The following ZNF503 variants were observed in gnomAD, a reference collection of about 807,000 sequenced individuals.
ZNF503 encodes the protein zinc finger protein 503, also known as NocA-like zinc finger 2.
ZNF503 carries 15 observed loss-of-function variants against 34.4 expected under a neutral mutation model. That is an observed-to-expected ratio of 0.44 (90% CI 0.29 to 0.67). The LOEUF (loss-of-function observed/expected upper bound fraction) is 0.67. Ranked by LOEUF, ZNF503 falls within the 30% of genes least tolerant of loss-of-function variation. The pLI is 0.13. For missense variants in ZNF503, 1,007 were observed against 926.8 expected, an observed-to-expected ratio of 1.09 and a Z score of -1.12; for synonymous variants, 580 against 456.8, an observed-to-expected ratio of 1.27 and a Z score of -3.44.
chr10:75,365,034 C>G, the ZNF503 span, among the ~76,000 whole-genome samples: 1 of 152,198 alleles, frequency 6.6e-6, no homozygotes, highest in Non-Finnish European at 1.5e-5. Context: ...AGGCAGAGTC[C>G]TTGTGTCCTA....
downstream of ZNF503, among the ~76,000 whole-genome samples, chr10:75,395,502 C>T (rs1437635218): frequency 1.3e-5 from 2 of 152,026 alleles, no homozygotes; most frequent in Non-Finnish European, 2.9e-5. The surrounding 1 kb of genome is among the most constrained non-coding windows in gnomAD (Gnocchi z 4.4). Flanking sequence ...CTGGTGGACA[C>T]GCGGCGCTCC....
At chr10:75,339,092 A>T in the ZNF503 span, among the ~76,000 whole-genome samples, 40 of 152,292 alleles carry the variant, frequency 2.6e-4, no homozygotes, top group Non-Finnish European at 5.6e-4. Context: ...TTAGCCGGAC[A>T]TTATGGTACA....
chr10:75,310,720 C>T, the ZNF503 span, among the ~76,000 whole-genome samples: 2 of 152,134 alleles, frequency 1.3e-5, no homozygotes, highest in East Asian at 3.9e-4. Flanking sequence ...GGAAGTCCCA[C>T]CCCTGCCTGT....
At chr10:75,347,287 A>G in the ZNF503 span, among the ~76,000 whole-genome samples, 3 of 152,214 alleles carry the variant, frequency 2.0e-5, no homozygotes, top group African/African-American at 7.2e-5. Flanking sequence ...GATCAAGTAC[A>G]TAGGAAAACA....
Position 75,401,347 on chromosome 10 carries a change from C to G in ZNF503, c.73G>C (p.Gly25Arg), listed in dbSNP as rs1173189326. The G allele has an allele frequency of 4.7e-6, 7 of 1,485,406 alleles. No individual in the cohort carries two copies. The highest frequency in any genetic ancestry group is 6.2e-6 in the Non-Finnish European group (7 of 1,136,188). The allele number at this position is 1,485,406 out of a possible 1,614,324, so 92.0% of individuals were successfully genotyped here. A position where few individuals can be genotyped will look rare whatever the true frequency, so the allele number is the denominator to read the frequency against. ...GTCCAGGCAGGGTCTGCACCGCCGC[C>G]TCCGCCTCCGCCGCCGCCGCCGCCG... ...HSGGGGGGGG[G>R]GGADPAWTSA... Residue 25 changes from glycine (G) to arginine (R), a missense_variant, in exon 1 of 2, where the codon GGC (glycine) becomes CGC (arginine). Transcript: ENST00000372524.
chr10:75,376,064 T>C, the ZNF503 span, among the ~76,000 whole-genome samples: 2 of 152,208 alleles, frequency 1.3e-5, no homozygotes, highest in African/African-American at 4.8e-5. Context: ...GAATACATGC[T>C]GCTTTCAGTC....
chr10:75,351,259 C>T, the ZNF503 span, among the ~76,000 whole-genome samples: 1,447 of 152,150 alleles, frequency 9.5e-3, 25 homozygotes, highest in African/African-American at 0.034. Context: ...GCAACCTCTG[C>T]CTCCCAGGTT....
chr10:75,395,455 G>A (rs1843686123), downstream of ZNF503, among the ~76,000 whole-genome samples: 1 of 152,110 alleles, frequency 6.6e-6, no homozygotes, highest in Non-Finnish European at 1.5e-5. This position sits in a 1 kb window ranked among gnomAD's most constrained non-coding sequence, Gnocchi z 4.4. Context: ...CGGGGTTCCA[G>A]GACTCCTTCC....
chr10:75,359,284 C>A, the ZNF503 span, among the ~76,000 whole-genome samples: 2,581 of 152,364 alleles, frequency 0.017, 37 homozygotes, highest in African/African-American at 0.043. Flanking sequence ...CCAGCCCCAG[C>A]ACAGTTCCTC....
At chr10:75,339,057 C>G in the ZNF503 span, among the ~76,000 whole-genome samples, 3 of 152,020 alleles carry the variant, frequency 2.0e-5, no homozygotes, top group Non-Finnish European at 4.4e-5. Flanking sequence ...GTGGTGAAAC[C>G]TCGTCTCTAC....
chr10:75,316,472 T>C, the ZNF503 span, among the ~76,000 whole-genome samples: 2 of 151,876 alleles, frequency 1.3e-5, no homozygotes, highest in African/African-American at 4.8e-5. Context: ...TCTCCCCACC[T>C]CAGCCTTTTG....
At chr10:75,384,331 G>GAT in the ZNF503 span, among the ~76,000 whole-genome samples, 2 of 151,958 alleles carry the variant, frequency 1.3e-5, no homozygotes, top group Non-Finnish European at 2.9e-5. Flanking sequence ...CATGAACTCA[G>GAT]ATATATGATC....
chr10:75,285,021 C>A, the ZNF503 span, among the ~76,000 whole-genome samples: 4 of 152,192 alleles, frequency 2.6e-5, no homozygotes, highest in Admixed American at 2.6e-4. Flanking sequence ...AGTCCAATGA[C>A]CCATTACTAC....
the ZNF503 span, among the ~76,000 whole-genome samples, chr10:75,298,158 G>A: frequency 2.0e-5 from 3 of 152,142 alleles, no homozygotes; most frequent in African/African-American, 4.8e-5. Context: ...CAGGTTTTAC[G>A]TTTAGGTCTG....
At chr10:75,282,199 G>C in the ZNF503 span, among the ~76,000 whole-genome samples, 1 of 152,188 alleles carries the variant, frequency 6.6e-6, no homozygotes, top group Non-Finnish European at 1.5e-5. Context: ...CATTCCCTTG[G>C]CCAACGACTG....
In ZNF503 at chr10:75,400,250, G is replaced by A. The variant is rs762048081; in HGVS notation, c.440C>T (p.Ala147Val). The change falls in exon 2 of 2, where the codon GCC (alanine) becomes GTC (valine). Residue 147 changes from alanine (A) to valine (V), a missense_variant. Physicochemically the swap from Ala to Val is moderately conservative, Grantham distance 64 (BLOSUM62 0). Coordinates refer to ENST00000372524, the MANE Select transcript of ZNF503 (RefSeq NM_032772.6). Reference sequence around the variant, plus strand: ...CTTGTCGCCCGCAGCACCGCCGCCGGCACCGCCCGCGCCGCCCCCGTTGGA... The same window carrying A: ...CTTGTCGCCCGCAGCACCGCCGCCGACACCGCCCGCGCCGCCCCCGTTGGA... The part of the protein sequence containing the change: ...VASNGGGAGG[A>V]GGGAAGDKDT... 1.9e-6 allele frequency: 3 copies of A among 1,612,008 alleles called. No homozygotes were observed. The Admixed American group carries it at 5.0e-5, about 27-fold the overall frequency.
the ZNF503 span, among the ~76,000 whole-genome samples, chr10:75,318,614 A>G: frequency 6.7e-6 from 1 of 148,678 alleles, no homozygotes; most frequent in East Asian, 2.0e-4. Context: ...GGCTGCAGTG[A>G]GCTGTTATTG....
chr10:75,377,392 C>T, the ZNF503 span, among the ~76,000 whole-genome samples: 2 of 152,342 alleles, frequency 1.3e-5, no homozygotes, highest in Middle Eastern at 3.4e-3. Flanking sequence ...TTACTCTCTG[C>T]TTCATTTCAT....
Position 75,399,067 on chromosome 10 carries a change from G to C in ZNF503, c.1623C>G (p.Thr541=), listed in dbSNP as rs551038543. The change falls in exon 2 of 2, where the codon ACC becomes ACG. Residue 541 remains threonine, a synonymous_variant. Transcript: ENST00000372524. ...TGTCTGTCCCGGGAAATGCCGTATG[G>C]GTCCGCAAGTGGCTCAGCAGCTCTT... is the stretch of plus-strand genomic sequence containing the variant. ...TSEELLSHLR[T]HTAFPGTDKL... is the part of the protein sequence containing the mutation. 148 of 1,613,342 alleles carry C rather than the reference G, an allele frequency of 9.2e-5. No individual in the cohort carries two copies. Among genetic ancestry groups the C allele is most frequent in the Non-Finnish European group, 8.0e-5 (94 of 1,179,856 alleles).
Sources: gnomAD v4.1 joint callset for allele counts (sites outside exome capture counted in the v4.1 genomes callset) on GRCh38, gnomAD v4.1.1 for gene constraint, Gnocchi (gnomAD v3.1) non-coding constraint, MANE v1.5 for transcripts, NCBI Gene and HGNC (gene_info 2026-07-23, HGNC 2026-07-21) for gene names.